Variants in PTPRD observed in about 807,000 individuals in gnomAD.
PTPRD encodes protein tyrosine phosphatase receptor type D.
A neutral mutation model predicts 214.5 loss-of-function variants in PTPRD; 34 were observed. That is an observed-to-expected ratio of 0.16 (90% CI 0.12 to 0.21). PTPRD has a LOEUF of 0.21. PTPRD is among the 10% of genes least tolerant of loss of function. PTPRD has a pLI of 1.00. For synonymous variants in PTPRD, 1,128 were observed against 845.7 expected (o/e 1.33, Z -5.79); for missense variants, 2,545 against 2,398.7 (o/e 1.06, Z -1.27).
At chr9:8,763,965 T>C (rs1565882773) in intron 11 of PTPRD, among the ~76,000 whole-genome samples, 1 of 152,260 alleles carries the variant, frequency 6.6e-6, no homozygotes, top group Non-Finnish European at 1.5e-5. Context: ...AAATTAATGC[T>C]TTTTAAATAT....
intron 9 of PTPRD, among the ~76,000 whole-genome samples, chr9:9,298,019 T>C (rs916534365): frequency 4.6e-5 from 7 of 151,880 alleles, no homozygotes; most frequent in Non-Finnish European, 8.8e-5. Flanking sequence ...TGCTAGGGAA[T>C]ATGATTAAAT....
At chr9:9,829,822 A>T (rs2054218208) in intron 5 of PTPRD, among the ~76,000 whole-genome samples, 2 of 151,786 alleles carry the variant, frequency 1.3e-5, no homozygotes, top group African/African-American at 2.4e-5. Flanking sequence ...CTTTTAAGAG[A>T]TCCATTGTTT....
rs1233749320 is a variant in PTPRD at position 9,275,127 on chromosome 9, A to ATT, written c.-202-91766_-202-91765dup. On this transcript the variant is annotated intron_variant, in intron 9 of 45. Transcript: ENST00000381196. Reference sequence around the variant, plus strand: ...AATATATTATATATATATTATATATATTATATATAATATATATATAATATA... The same window carrying ATT: ...AATATATTATATATATATTATATATATTTTATATATAATATATATATAATATA... 2.4e-3 allele frequency among the ~76,000 whole-genome samples: 133 copies of ATT among 55,220 alleles called. 1 individual carries two copies. Among genetic ancestry groups the ATT allele is most frequent in the Non-Finnish European group, 3.2e-3 (97 of 30,494 alleles). The allele number at this position is 55,220 out of a possible 152,430, so 36.2% of individuals were successfully genotyped here. A position where few individuals can be genotyped will look rare whatever the true frequency, so the allele number is the denominator to read the frequency against.
chr9:10,003,572 T>C (rs549485467), intron 4 of PTPRD, among the ~76,000 whole-genome samples: 4 of 151,754 alleles, frequency 2.6e-5, no homozygotes, highest in African/African-American at 7.2e-5. Flanking sequence ...AAAGATAGAA[T>C]CTCAACTTAT....
intron 11 of PTPRD, among the ~76,000 whole-genome samples, chr9:8,950,792 C>T (rs2099097526): frequency 6.6e-6 from 1 of 151,696 alleles, no homozygotes; most frequent in Non-Finnish European, 1.5e-5. Flanking sequence ...AACACTAAGG[C>T]CAGAGAGGTT....
rs34776407 is a variant in PTPRD at position 8,894,355 on chromosome 9, C to CAAAAA, written c.-104+124337_-104+124341dup. ...GGGCAACAAGAGTGAGACTCCATCT[C>CAAAAA]AAAAAAAAAAAAAAAAAAAAGTCTG... On this transcript the variant is annotated intron_variant, in intron 11 of 45. Transcript: ENST00000381196. 2.3e-3 allele frequency among the ~76,000 whole-genome samples: 171 copies of CAAAAA among 74,408 alleles called. 1 individual carries two copies. Among genetic ancestry groups the CAAAAA allele is most frequent in the Middle Eastern group, 9.4e-3 (1 of 106 alleles). The allele number at this position is 74,408 out of a possible 152,430, so 48.8% of individuals were successfully genotyped here. A position where few individuals can be genotyped will look rare whatever the true frequency, so the allele number is the denominator to read the frequency against.
rs778583094 is a variant in PTPRD, at chr9:9,286,115, C to T, written c.-202-102752G>A. Among the ~76,000 whole-genome samples the T allele has an allele frequency of 4.6e-5, 7 of 151,680 alleles. No individual in the cohort carries two copies. The East Asian group carries it at 5.9e-4, about 13-fold the overall frequency. On this transcript the variant is annotated intron_variant, in intron 9 of 45. Transcript: ENST00000381196. ...TGTGGTAAATTCTTTTGTGACAACCCGGATATTCTATCCTCTTCTTTCTCC... is the reference window on the plus strand; with the variant it reads ...TGTGGTAAATTCTTTTGTGACAACCTGGATATTCTATCCTCTTCTTTCTCC...
intron 11 of PTPRD, among the ~76,000 whole-genome samples, chr9:8,880,999 T>G (rs2098441328): frequency 6.6e-6 from 1 of 152,070 alleles, no homozygotes; most frequent in Non-Finnish European, 1.5e-5. Context: ...ACTCCTGAGG[T>G]GAAGTAATCC....
At chr9:10,444,860 G>A (rs1315192113) in intron 2 of PTPRD, among the ~76,000 whole-genome samples, 1 of 151,842 alleles carries the variant, frequency 6.6e-6, no homozygotes, top group African/African-American at 2.4e-5. Flanking sequence ...TTTTAAAATT[G>A]TTTCATGCAT....
Position 8,897,319 on chromosome 9 carries a change from G to GT in PTPRD, c.-104+121377dup, listed in dbSNP as rs913057884. ...GCATAAGAGAAGTTTACAAAGAGAT[G>GT]TTTTTTTTTCGTAGCATGGTCAGAA... On this transcript the variant is annotated intron_variant, in intron 11 of 45. Transcript: ENST00000381196. Among the ~76,000 whole-genome samples the GT allele has an allele frequency of 4.4e-3, 669 of 151,096 alleles. 8 individuals carry two copies. The highest frequency in any genetic ancestry group is 0.015 in the African/African-American group (637 of 41,170).
At chr9:10,004,508 G>A (rs1020310357) in intron 4 of PTPRD, among the ~76,000 whole-genome samples, 13 of 151,178 alleles carry the variant, frequency 8.6e-5, no homozygotes, top group African/African-American at 2.7e-4. Flanking sequence ...ATTACCCACC[G>A]GTCAAGAGAA....
At chr9:8,755,009 C>T (rs1044107703) in intron 11 of PTPRD, among the ~76,000 whole-genome samples, 2 of 151,958 alleles carry the variant, frequency 1.3e-5, no homozygotes, top group Non-Finnish European at 1.5e-5. Flanking sequence ...AATGAGAAAC[C>T]ACTCCACACT....
intron 5 of PTPRD, among the ~76,000 whole-genome samples, chr9:9,857,932 A>G (rs2061875361): frequency 6.6e-6 from 1 of 152,238 alleles, no homozygotes. Flanking sequence ...TAAATGAAAA[A>G]AATTCAAATG....
chr9:8,379,210 CT>C (rs1431259504), intron 37 of PTPRD, among the ~76,000 whole-genome samples: 1 of 152,052 alleles, frequency 6.6e-6, no homozygotes, highest in Non-Finnish European at 1.5e-5. Flanking sequence ...TCAAAAGGAC[CT>C]TATGAAAAAT....
chr9:10,515,362 C>A (rs2049707243), intron 2 of PTPRD, among the ~76,000 whole-genome samples: 1 of 151,912 alleles, frequency 6.6e-6, no homozygotes, highest in Admixed American at 6.6e-5. Context: ...CCTTTGTGGT[C>A]CACAATCAAA....
chr9:10,506,264 G>A (rs191472636), intron 2 of PTPRD, among the ~76,000 whole-genome samples: 195 of 152,138 alleles, frequency 1.3e-3, no homozygotes, highest in African/African-American at 4.3e-3. Flanking sequence ...TGCAAAAATA[G>A]TATGAAGAAT....
chr9:9,735,059 T>C (rs569709038), intron 6 of PTPRD, among the ~76,000 whole-genome samples: 4 of 152,226 alleles, frequency 2.6e-5, no homozygotes, highest in African/African-American at 9.6e-5. Context: ...TGAAAGATAT[T>C]ATAATGACAA....
chr9:10,179,812 AGCAGT>A (rs1428077174), intron 3 of PTPRD, among the ~76,000 whole-genome samples: 1 of 152,104 alleles, frequency 6.6e-6, no homozygotes, highest in African/African-American at 2.4e-5. Context: ...TACCCTCTTC[AGCAGT>A]AAGCCTACAG....
At chr9:9,894,072 G>A (rs979693880) in intron 5 of PTPRD, among the ~76,000 whole-genome samples, 1 of 151,818 alleles carries the variant, frequency 6.6e-6, no homozygotes, top group Non-Finnish European at 1.5e-5. Context: ...CCTTTCCTTG[G>A]CCTCCTAACG....
Sources: gnomAD v4.1 joint callset for allele counts (sites outside exome capture counted in the v4.1 genomes callset) on GRCh38, gnomAD v4.1.1 for gene constraint, MANE v1.5 for transcripts, NCBI Gene and HGNC (gene_info 2026-07-23, HGNC 2026-07-21) for gene names.